Variants in AP3B1 observed in about 807,000 individuals in gnomAD.
The protein encoded by AP3B1 is AP-3 complex subunit beta-1.
In AP3B1, 61 loss-of-function variants were observed where a neutral mutation model predicts 132.5. The observed-to-expected ratio is 0.46, with a 90% confidence interval of 0.37 to 0.57. The LOEUF is 0.57. AP3B1 is among the 20% of genes least tolerant of loss of function. The pLI is 0.00. For missense variants in AP3B1, 1,120 were observed against 1,289.4 expected, an observed-to-expected ratio of 0.87 and a Z score of 2.01; for synonymous variants, 388 against 438.3, an observed-to-expected ratio of 0.89 and a Z score of 1.43.
intron 23 of AP3B1, among the ~76,000 whole-genome samples, chr5:78,037,977 A>T (rs1460843961): frequency 6.6e-6 from 1 of 152,214 alleles, no homozygotes; most frequent in Admixed American, 6.5e-5. Context: ...TTTAAAGGGT[A>T]TATTTTTAGC....
intron 7 of AP3B1, among the ~76,000 whole-genome samples, chr5:78,189,662 G>A (rs184604152): frequency 3.6e-4 from 54 of 151,976 alleles, no homozygotes; most frequent in Admixed American, 7.9e-4. Flanking sequence ...CTGAGGTCAC[G>A]AGTTCAAGAC....
chr5:78,275,648 T>C (rs1252732142), intron 1 of AP3B1, among the ~76,000 whole-genome samples: 1 of 152,140 alleles, frequency 6.6e-6, no homozygotes, highest in East Asian at 1.9e-4. Flanking sequence ...GCTAATTTTT[T>C]GTATTTTAGT....
intron 22 of AP3B1, among the ~76,000 whole-genome samples, chr5:78,059,132 C>G (rs1308771092): frequency 6.6e-6 from 1 of 152,158 alleles, no homozygotes; most frequent in Non-Finnish European, 1.5e-5. Flanking sequence ...CACACAGATC[C>G]TGTAAGTGAA....
intron 19 of AP3B1, among the ~76,000 whole-genome samples, chr5:78,110,664 G>C (rs1464479120): frequency 6.7e-6 from 1 of 150,278 alleles, no homozygotes; most frequent in Non-Finnish European, 1.5e-5. Context: ...TTTTTAAAAC[G>C]CTATCTCAAA....
chr5:78,247,527 T>C (rs1747428993), intron 2 of AP3B1, among the ~76,000 whole-genome samples: 1 of 151,644 alleles, frequency 6.6e-6, no homozygotes, highest in Non-Finnish European at 1.5e-5. Context: ...TTTACTCCGT[T>C]TTTGAAGCTC....
intron 2 of AP3B1, among the ~76,000 whole-genome samples, chr5:78,250,969 GCAAA>G (rs1351438059): frequency 2.0e-5 from 3 of 152,094 alleles, no homozygotes; most frequent in Non-Finnish European, 4.4e-5. Flanking sequence ...GAAGACAGAG[GCAAA>G]CAGAGGATGG....
At chr5:78,060,725 T>C (rs1322176257) in intron 22 of AP3B1, among the ~76,000 whole-genome samples, 1 of 152,092 alleles carries the variant, frequency 6.6e-6, no homozygotes, top group Non-Finnish European at 1.5e-5. Context: ...GATCAGAATG[T>C]AGTAGACATT....
chr5:78,075,767 G>T (rs1176029076), intron 22 of AP3B1, among the ~76,000 whole-genome samples: 1 of 152,198 alleles, frequency 6.6e-6, no homozygotes, highest in East Asian at 1.9e-4. Context: ...TGAGTACAGG[G>T]CTTCTTGGTC....
At chr5:78,092,776 T>G (rs573687386) in intron 21 of AP3B1, among the ~76,000 whole-genome samples, 6 of 151,986 alleles carry the variant, frequency 3.9e-5, no homozygotes, top group African/African-American at 1.4e-4. Flanking sequence ...GCCTCCTGAG[T>G]AGCTAGTATT....
chr5:78,229,020 C>T (rs890329255), intron 3 of AP3B1, among the ~76,000 whole-genome samples: 1 of 152,152 alleles, frequency 6.6e-6, no homozygotes, highest in Non-Finnish European at 1.5e-5. Context: ...GCAGCCTCAA[C>T]CTCCTGGCCT....
chr5:78,070,631 G>A (rs1749496030), intron 22 of AP3B1, among the ~76,000 whole-genome samples: 1 of 151,834 alleles, frequency 6.6e-6, no homozygotes, highest in Non-Finnish European at 1.5e-5. Flanking sequence ...GCAACCTACA[G>A]AGTGGGAGAA....
At chr5:78,029,281 T>C (rs993949400) in intron 24 of AP3B1, among the ~76,000 whole-genome samples, 18 of 152,218 alleles carry the variant, frequency 1.2e-4, no homozygotes, top group African/African-American at 4.3e-4. Flanking sequence ...GTAACAATTG[T>C]ATTTTCTTGG....
chr5:78,212,018 G>A (rs541886211), intron 7 of AP3B1, among the ~76,000 whole-genome samples: 5 of 152,294 alleles, frequency 3.3e-5, no homozygotes, highest in Middle Eastern at 3.4e-3. Flanking sequence ...GGTGGCTCAC[G>A]CCTGTAATCC....
intron 7 of AP3B1, among the ~76,000 whole-genome samples, chr5:78,186,345 C>A (rs1377669821): frequency 2.6e-5 from 4 of 152,036 alleles, no homozygotes; most frequent in Admixed American, 1.3e-4. Flanking sequence ...AGGTTATATA[C>A]CATATAATTC....
intron 1 of AP3B1, among the ~76,000 whole-genome samples, chr5:78,289,493 T>C (rs972023091): frequency 1.3e-5 from 2 of 152,180 alleles, no homozygotes; most frequent in African/African-American, 4.8e-5. Context: ...CACCCCGATT[T>C]AAACAGAGTA....
At chr5:78,201,256 G>C (rs1039709242) in intron 7 of AP3B1, among the ~76,000 whole-genome samples, 1 of 152,160 alleles carries the variant, frequency 6.6e-6, no homozygotes, top group Non-Finnish European at 1.5e-5. Context: ...ACAGGTTCTT[G>C]CGGAACCAAA....
At chr5:78,163,623 A>ATAT (rs1397551368) in intron 12 of AP3B1, among the ~76,000 whole-genome samples, 36 of 146,880 alleles carry the variant, frequency 2.5e-4, no homozygotes, top group African/African-American at 8.8e-4. Flanking sequence ...GTGTATATAT[A>ATAT]GTATATATAT....
chr5:78,075,057 G>T (rs1055775030), intron 22 of AP3B1, among the ~76,000 whole-genome samples: 4 of 152,144 alleles, frequency 2.6e-5, no homozygotes, highest in Non-Finnish European at 4.4e-5. Context: ...CAACAAAGAC[G>T]TCCCTCAAAG....
chr5:78,138,969 CAAAAA>C (rs34427836), intron 15 of AP3B1, among the ~76,000 whole-genome samples: 1 of 39,470 alleles, frequency 2.5e-5, no homozygotes, highest in African/African-American at 1.0e-4. Context: ...AACTCTGTCT[CAAAAA>C]AAAAAAAAAA....
Sources: allele counts gnomAD v4.1 joint callset (sites outside exome capture counted in the v4.1 genomes callset), GRCh38; gene constraint gnomAD v4.1.1; transcripts MANE v1.5; gene names NCBI Gene and HGNC (gene_info 2026-07-23, HGNC 2026-07-21).